INTS6L: variants seen among roughly 807,000 people sequenced by gnomAD.
INTS6L encodes integrator complex subunit 6 like.
A neutral mutation model predicts 64.7 loss-of-function variants in INTS6L; 18 were observed. The ratio of observed to expected loss-of-function variants is 0.28; its 90% CI spans 0.19 to 0.41. The LOEUF is 0.41. INTS6L is among the 10% of genes least tolerant of loss of function. INTS6L has a pLI of 1.00. For missense variants in INTS6L, 533 were observed against 661.0 expected, an observed-to-expected ratio of 0.81 and a Z score of 2.12; for synonymous variants, 227 against 235.9, an observed-to-expected ratio of 0.96 and a Z score of 0.34.
chrX:135,521,098 T>G lies in INTS6L; in HGVS notation c.106T>G (p.Leu36Val), dbSNP rs1406993490. 1 of 1,208,487 alleles carries G rather than the reference T, an allele frequency of 8.3e-7. No homozygotes were observed. Among genetic ancestry groups the G allele is most frequent in the East Asian group, 3.0e-5 (1 of 33,711 alleles). The stretch of plus-strand genomic sequence containing the variant: ...TGCCAAAGGCGCTGTGGAGTTATTC[T>G]TGAAGGTAAAGGGAGGGGAGGGGAG... Reference protein sequence around the residue: ...DIAKGAVELFLKLRARDPASR... With the variant: ...DIAKGAVELFVKLRARDPASR... The change falls in exon 1 of 18, where the codon TTG (leucine) becomes GTG (valine). Residue 36 changes from leucine (L) to valine (V), a missense_variant. Physicochemically the swap from Leu to Val is conservative, Grantham distance 32. Transcript: ENST00000639893.
intron 13 of INTS6L, among the ~76,000 whole-genome samples, chrX:135,574,382 G>T (rs2087170074): frequency 9.0e-6 from 1 of 111,163 alleles, no homozygotes; most frequent in Admixed American, 9.5e-5. Flanking sequence ...TTAGTAGTTT[G>T]CCCAAGTTTA....
intron 2 of INTS6L, among the ~76,000 whole-genome samples, chrX:135,524,908 C>T (rs180735709): frequency 8.9e-6 from 1 of 112,373 alleles, no homozygotes; most frequent in Admixed American, 9.4e-5. Flanking sequence ...AAAAAGCGTA[C>T]GAAATGTAAG....
chrX:135,578,781 C>A (rs1247737226), intron 15 of INTS6L, among the ~76,000 whole-genome samples: 1 of 111,830 alleles, frequency 8.9e-6, no homozygotes, highest in Non-Finnish European at 1.9e-5. Flanking sequence ...CACACTACTA[C>A]AATACCTTCT....
chrX:135,543,150 T>C (rs782435828), intron 2 of INTS6L, among the ~76,000 whole-genome samples: 5 of 111,210 alleles, frequency 4.5e-5, no homozygotes, highest in African/African-American at 1.6e-4. Flanking sequence ...CACAATTTAT[T>C]CTCCAACTAC....
At position 135,546,682 on chromosome X, in the gene INTS6L, T is replaced by A. The variant is rs1344347745; in HGVS notation, c.430-20T>A. 8.4e-7 allele frequency: 1 copy of A among 1,193,203 alleles called. No individual in the cohort carries two copies. Among genetic ancestry groups the A allele is most frequent in the Non-Finnish European group, 1.1e-6 (1 of 885,049 alleles). ...ATATGGTTTGTTATGATGAACCTTT[T>A]CACATTTTTGCCTTATCAGCTCCAT... On this transcript the variant is annotated intron_variant, in intron 4 of 17. Coordinates refer to ENST00000639893, the MANE Select transcript of INTS6L (RefSeq NM_001351601.3).
intron 9 of INTS6L, among the ~76,000 whole-genome samples, chrX:135,560,081 T>C (rs190419120): frequency 8.9e-6 from 1 of 112,557 alleles, no homozygotes; most frequent in Non-Finnish European, 1.9e-5. Context: ...CTTATTTAGA[T>C]CTTTTTTGAT....
chrX:135,533,541 C>CAA (rs1556506482), intron 2 of INTS6L, among the ~76,000 whole-genome samples: 20 of 111,051 alleles, frequency 1.8e-4, no homozygotes, highest in Non-Finnish European at 1.9e-5. Flanking sequence ...TCCTGATGCT[C>CAA]TCCCTTCCCC....
chrX:135,557,950 A>T (rs1185797092), intron 9 of INTS6L, among the ~76,000 whole-genome samples: 1 of 112,503 alleles, frequency 8.9e-6, no homozygotes, highest in Non-Finnish European at 1.9e-5. Flanking sequence ...ATAGCAAAAC[A>T]AAAACAAAAC....
chrX:135,571,782 C>A (rs1556527625), intron 11 of INTS6L: 1 of 111,437 alleles, frequency 9.0e-6, no homozygotes, highest in Non-Finnish European at 1.9e-5. Flanking sequence ...GGTATGGCCA[C>A]AAGGAAGAAT....
chrX:135,549,943 C>G (rs2086456438), intron 7 of INTS6L, 138 bp downstream of exon 7: 13 of 639,219 alleles, frequency 2.0e-5, no homozygotes, highest in Non-Finnish European at 2.4e-5. Context: ...CCTTCTATCT[C>G]TTACTGGAAG....
At chrX:135,529,294 G>C (rs1005623537) in intron 2 of INTS6L, among the ~76,000 whole-genome samples, 2 of 111,996 alleles carry the variant, frequency 1.8e-5, no homozygotes, top group Non-Finnish European at 3.8e-5. Flanking sequence ...ACTCTAGTTT[G>C]TCATAGTGTA....
chrX:135,531,399 C>T (rs1556504979), intron 2 of INTS6L, among the ~76,000 whole-genome samples: 1 of 112,351 alleles, frequency 8.9e-6, no homozygotes, highest in African/African-American at 3.2e-5. Flanking sequence ...GAGTGCAGGA[C>T]ATCTCCACAC....
intron 2 of INTS6L, among the ~76,000 whole-genome samples, chrX:135,524,146 G>T (rs1556499712): frequency 9.0e-6 from 1 of 111,671 alleles, no homozygotes; most frequent in Non-Finnish European, 1.9e-5. Flanking sequence ...ACCCTCCTCA[G>T]CATGTGGTAA....
chrX:135,534,744 G>A (rs2086007557), intron 2 of INTS6L, among the ~76,000 whole-genome samples: 1 of 103,130 alleles, frequency 9.7e-6, no homozygotes, highest in Non-Finnish European at 2.0e-5. Context: ...GTGTAGTGGC[G>A]TTATCGTAGC....
intron 4 of INTS6L, 24 bp from the exon 5 acceptor site, chrX:135,546,678 C>A (rs1428399919): frequency 1.7e-6 from 2 of 1,188,343 alleles, no homozygotes; most frequent in African/African-American, 3.5e-5. Context: ...TATGATGAAC[C>A]TTTTCACATT....
chrX:135,522,989 A>G (rs1393182109), intron 2 of INTS6L, among the ~76,000 whole-genome samples: 2 of 112,307 alleles, frequency 1.8e-5, no homozygotes, highest in African/African-American at 6.5e-5. Context: ...TAATACAGAT[A>G]AGAACCGACC....
At chrX:135,572,150 A>T (rs1026264899) in intron 11 of INTS6L, 5 of 112,100 alleles carry the variant, frequency 4.5e-5, no homozygotes, top group South Asian at 3.7e-4. Flanking sequence ...TTTCAGATGT[A>T]TGTAAAACAC....
At chrX:135,531,407 C>T (rs2085905290) in intron 2 of INTS6L, among the ~76,000 whole-genome samples, 1 of 112,465 alleles carries the variant, frequency 8.9e-6, no homozygotes, top group African/African-American at 3.2e-5. Flanking sequence ...GACATCTCCA[C>T]ACATCTCCAC....
At chrX:135,534,450 G>A (rs2085995076) in intron 2 of INTS6L, among the ~76,000 whole-genome samples, 1 of 110,683 alleles carries the variant, frequency 9.0e-6, no homozygotes, top group East Asian at 2.8e-4. Context: ...AGTAGAAGAC[G>A]CAAGTAAACT....
Sources: gnomAD v4.1 joint callset for allele counts (sites outside exome capture counted in the v4.1 genomes callset) on GRCh38, gnomAD v4.1.1 for gene constraint, MANE v1.5 for transcripts, NCBI Gene and HGNC (gene_info 2026-07-23, HGNC 2026-07-21) for gene names.